The following CCDC18 variants were observed in gnomAD, a reference collection of about 807,000 sequenced individuals.
CCDC18 encodes the protein coiled-coil domain-containing protein 18.
Under a neutral mutation model 196.0 loss-of-function variants are expected in CCDC18, and 157 were observed. That is an observed-to-expected ratio of 0.80 (90% CI 0.70 to 0.91). The LOEUF (loss-of-function observed/expected upper bound fraction) is 0.91. Among genes scored for constraint, CCDC18 ranks in the 40% least tolerant of loss-of-function variants. The pLI, the probability that CCDC18 is intolerant of heterozygous loss-of-function variation, is 0.00. For missense variants in CCDC18, 1,465 were observed against 1,611.6 expected (o/e 0.91, Z 1.56); for synonymous variants, 482 against 529.2 (o/e 0.91, Z 1.22).
chr1:93,212,419 T>C (rs1655805761), intron 11 of CCDC18, among the ~76,000 whole-genome samples, 158 bp downstream of exon 11: 1 of 152,114 alleles, frequency 6.6e-6, no homozygotes, highest in African/African-American at 2.4e-5. Flanking sequence ...AGGTTTGTTT[T>C]ACAGATTATT....
upstream of CCDC18, chr1:93,180,277 C>A: frequency 6.3e-7 from 1 of 1,582,730 alleles, no homozygotes; most frequent in South Asian, 1.1e-5. Context: ...AAAGAGGCGT[C>A]AGGTACTGTT....
upstream of CCDC18, chr1:93,180,378 G>T: frequency 8.0e-7 from 1 of 1,253,596 alleles, no homozygotes; most frequent in Non-Finnish European, 1.1e-6. Flanking sequence ...CGCGGCGGCG[G>T]CGAACACTCC....
At position 93,277,691 on chromosome 1, in the gene CCDC18, T is replaced by G. The variant is rs1202692372; in HGVS notation, c.4354-772T>G. Among the ~76,000 whole-genome samples, 6 of 151,954 alleles carry G rather than the reference T, an allele frequency of 3.9e-5. No individual in the cohort carries two copies. In the East Asian group the frequency reaches 1.2e-3, roughly 29 times the overall value. ...GTACATAACAAAATGGAGTCTCCTA[T>G]GTCTACTTCTTTCTACACAGACACA... On this transcript the variant is annotated intron_variant, in intron 28 of 28. Transcript: ENST00000690025.
intron 4 of CCDC18, among the ~76,000 whole-genome samples, chr1:93,191,336 A>G (rs1651759236): frequency 6.6e-6 from 1 of 152,132 alleles, no homozygotes; most frequent in African/African-American, 2.4e-5. Flanking sequence ...ACACCTTGCT[A>G]TTGGTGTTCT....
intron 17 of CCDC18, 53 bp downstream of exon 17, chr1:93,226,502 A>G (rs1383328967): frequency 2.8e-6 from 2 of 711,382 alleles, no homozygotes; most frequent in African/African-American, 1.9e-5. Flanking sequence ...ATTTTTTTTA[A>G]GAAGCATGAG....
chr1:93,207,783 T>TAA, intron 9 of CCDC18, among the ~76,000 whole-genome samples: 1 of 152,320 alleles, frequency 6.6e-6, no homozygotes, highest in African/African-American at 2.4e-5. Flanking sequence ...TGGACCCATT[T>TAA]ATAATTAGTC....
intron 28 of CCDC18, among the ~76,000 whole-genome samples, chr1:93,277,798 CTTTTTCATTGAT>C (rs1002335890): frequency 6.6e-6 from 1 of 151,848 alleles, no homozygotes; most frequent in African/African-American, 2.4e-5. Flanking sequence ...TTTAATCTTC[CTTTTTCATTGAT>C]TTTTTCATGT....
chr1:93,208,862 C>T (rs1011871398), intron 9 of CCDC18, among the ~76,000 whole-genome samples: 15 of 151,810 alleles, frequency 9.9e-5, no homozygotes, highest in African/African-American at 7.3e-5. Context: ...GACGGGGTTA[C>T]ACCATGTTGG....
In CCDC18 at chr1:93,278,573, T is replaced by C. The variant is rs1665760153; in HGVS notation, c.*96T>C. On this transcript the variant is annotated 3_prime_UTR_variant, in exon 29 of 29. Transcript: ENST00000690025. ...CTCATACTTCATAGAAGCTGTTATTTTGCTTTTGAATAAATTTTATATTTC... is the reference window on the plus strand; with the variant it reads ...CTCATACTTCATAGAAGCTGTTATTCTGCTTTTGAATAAATTTTATATTTC... 1 of 572,590 alleles carries C rather than the reference T, an allele frequency of 1.7e-6. No individual in the cohort carries two copies. The allele number at this position is 572,590 out of a possible 1,614,324, so 35.5% of individuals were successfully genotyped here.
chr1:93,190,485 C>CA (rs908066062), intron 4 of CCDC18, among the ~76,000 whole-genome samples: 13 of 151,260 alleles, frequency 8.6e-5, no homozygotes, highest in African/African-American at 2.9e-4. Context: ...GACTCCATCT[C>CA]AAAAAAAAGA....
chr1:93,230,041 T>C (rs543788658), intron 17 of CCDC18, among the ~76,000 whole-genome samples: 2 of 151,904 alleles, frequency 1.3e-5, no homozygotes, highest in Non-Finnish European at 2.9e-5. Context: ...CTTTCTGCTT[T>C]GGGTACATAG....
intron 9 of CCDC18, among the ~76,000 whole-genome samples, chr1:93,209,994 G>A (rs557788099): frequency 3.3e-5 from 5 of 152,186 alleles, no homozygotes; most frequent in Admixed American, 2.0e-4. Context: ...CCAAGAGTTC[G>A]AGGCTGCAGT....
intron 17 of CCDC18, among the ~76,000 whole-genome samples, chr1:93,231,581 AAAT>A (rs1659245555): frequency 6.6e-6 from 1 of 152,192 alleles, no homozygotes; most frequent in African/African-American, 2.4e-5. Context: ...AGTATTTTAA[AAAT>A]AATTTCTGCT....
chr1:93,230,398 A>C (rs1206350635), intron 17 of CCDC18, among the ~76,000 whole-genome samples: 1 of 151,680 alleles, frequency 6.6e-6, no homozygotes, highest in African/African-American at 2.4e-5. Context: ...AGGCTGAGGC[A>C]GGAGAATGGC....
intron 27 of CCDC18, among the ~76,000 whole-genome samples, chr1:93,269,944 C>T (rs1286644757): frequency 6.6e-6 from 1 of 152,010 alleles, no homozygotes. Context: ...CTATTTATTC[C>T]CTACTGGAAA....
intron 17 of CCDC18, among the ~76,000 whole-genome samples, chr1:93,227,727 G>T (rs1658602106): frequency 1.3e-5 from 2 of 151,904 alleles, no homozygotes; most frequent in Middle Eastern, 3.4e-3. Context: ...GCCAAAGTGG[G>T]TGGATCACTT....
chr1:93,211,982 AG>A (rs547270285), intron 10 of CCDC18, 118 bp from the exon 11 acceptor site: 1 of 846,692 alleles, frequency 1.2e-6, no homozygotes, highest in Non-Finnish European at 1.8e-6. Flanking sequence ...CTGCCTAAAG[AG>A]TTGACTAATA....
At chr1:93,266,129 G>A (rs976940253) in intron 27 of CCDC18, among the ~76,000 whole-genome samples, 2 of 152,156 alleles carry the variant, frequency 1.3e-5, no homozygotes, top group Middle Eastern at 6.3e-3. Context: ...TAGAACTCAG[G>A]ATTAAGAAAC....
rs773118727 is a variant in CCDC18 at position 93,207,294 on chromosome 1, G to A, written c.1105G>A (p.Val369Ile). The change falls in exon 9 of 29, where the codon GTC becomes ATC. Residue 369 changes from valine to isoleucine, a missense_variant. Val to Ile is a conservative substitution (Grantham distance 29). Coordinates refer to ENST00000690025, the MANE Select transcript of CCDC18 (RefSeq NM_001378204.1). ...AATGAATGAAAACCGAGAATTAAAG[G>A]TCCGTGTTGCAGCACAGAATGAGCG... ...SLMNENRELK[V>I]RVAAQNERLD... 1.2e-6 allele frequency: 2 copies of A among 1,613,484 alleles called. No individual in the cohort carries two copies. The highest frequency in any genetic ancestry group is 1.1e-5 in the South Asian group (1 of 91,028).
Sources: gnomAD v4.1 joint callset for allele counts (sites outside exome capture counted in the v4.1 genomes callset) on GRCh38, gnomAD v4.1.1 for gene constraint, MANE v1.5 for transcripts, NCBI Gene and HGNC (gene_info 2026-07-23, HGNC 2026-07-21) for gene names.